Variants in DMD observed in about 807,000 individuals in gnomAD.
The protein encoded by DMD is mutant dystrophin.
Under a neutral mutation model 330.1 loss-of-function variants are expected in DMD, and 63 were observed. The ratio of observed to expected loss-of-function variants is 0.19; its 90% CI spans 0.16 to 0.24. DMD has a LOEUF of 0.24. DMD is among the 10% of genes least tolerant of loss of function. The pLI, the probability that DMD is intolerant of heterozygous loss-of-function variation, is 1.00. For missense variants in DMD, 3,344 were observed against 2,684.1 expected (o/e 1.25, Z -5.43); for synonymous variants, 1,223 against 959.8 (o/e 1.27, Z -5.07).
chrX:31,922,700 GTCT>G (rs1569513472), intron 47 of DMD, among the ~76,000 whole-genome samples: 1 of 111,514 alleles, frequency 9.0e-6, no homozygotes, highest in East Asian at 2.8e-4. Context: ...GGTCATAAAA[GTCT>G]TCTTCTGTGT....
intron 57 of DMD, among the ~76,000 whole-genome samples, chrX:31,494,155 C>CA (rs753929470): frequency 0.34 from 16,616 of 49,505 alleles, 2,001 homozygotes; most frequent in East Asian, 0.5. Context: ...GACCCAGTCT[C>CA]AAAAAAAAAA....
chrX:32,684,478 T>A (rs926346849), intron 9 of DMD, among the ~76,000 whole-genome samples: 21 of 111,593 alleles, frequency 1.9e-4, no homozygotes, highest in Middle Eastern at 4.8e-3. Context: ...TTTAACTATG[T>A]CTTACATCAT....
chrX:32,812,839 A>G (rs775791948), intron 6 of DMD, among the ~76,000 whole-genome samples: 1 of 111,691 alleles, frequency 9.0e-6, no homozygotes, highest in East Asian at 2.8e-4. Context: ...AAAAAATTTA[A>G]AAATTGTAGA....
intron 7 of DMD, among the ~76,000 whole-genome samples, chrX:32,786,086 A>AGTGTGTGTGT (rs368269067): frequency 0.018 from 1,694 of 96,540 alleles, 54 homozygotes; most frequent in African/African-American, 0.062. Context: ...GAGGAATAAG[A>AGTGTGTGTGT]GTGTGTGTGT....
rs901927677 is a variant in DMD at position 32,980,261 on chromosome X, G to A, written c.93+39878C>T. Among the ~76,000 whole-genome samples, 3 of 105,732 alleles carry A rather than the reference G, an allele frequency of 2.8e-5. No homozygotes were observed. In the East Asian group the frequency reaches 9.1e-4, roughly 32 times the overall value. 91.8% of individuals were successfully genotyped at this position (105,732 alleles called of 115,157 possible). A position where few individuals can be genotyped will look rare whatever the true frequency, so the allele number is the denominator to read the frequency against. On this transcript the variant is annotated intron_variant, in intron 2 of 78. Transcript: ENST00000357033. ...GGCGCCTGTAATCCCAGCTACTCGG[G>A]AGGCTGAGGCGCGAGGAATGCTTGA...
intron 62 of DMD, among the ~76,000 whole-genome samples, chrX:31,312,923 G>C (rs999089373): frequency 9.0e-6 from 1 of 110,633 alleles, no homozygotes; most frequent in Non-Finnish European, 1.9e-5. Context: ...TGGACACAGA[G>C]AGGGAAACAA....
chrX:32,807,946 T>TA (rs749843713), intron 7 of DMD, among the ~76,000 whole-genome samples: 146 of 112,117 alleles, frequency 1.3e-3, no homozygotes, highest in African/African-American at 4.3e-3. Context: ...TGTGATTCAA[T>TA]AAAAAACAAA....
chrX:31,204,735 G>C (rs1324979796), intron 66 of DMD, among the ~76,000 whole-genome samples: 1 of 111,940 alleles, frequency 8.9e-6, no homozygotes. Flanking sequence ...CCATTCTCCT[G>C]CCTCAGCCGC....
At chrX:31,293,848 G>A (rs186488154) in intron 62 of DMD, among the ~76,000 whole-genome samples, 1 of 111,242 alleles carries the variant, frequency 9.0e-6, no homozygotes, top group South Asian at 3.8e-4. Context: ...ATGGTTAAAC[G>A]AGCAAGCTAA....
intron 1 of DMD, among the ~76,000 whole-genome samples, chrX:33,317,086 G>A (rs927999043): frequency 5.5e-5 from 6 of 110,075 alleles, no homozygotes; most frequent in Non-Finnish European, 9.5e-5. Flanking sequence ...AGCAATAATG[G>A]GAAAAATTAA....
chrX:31,443,864 G>A (rs748728636), intron 60 of DMD, among the ~76,000 whole-genome samples: 77 of 111,581 alleles, frequency 6.9e-4, no homozygotes, highest in Non-Finnish European at 1.3e-3. Context: ...ATTATTTTCT[G>A]TTTATCGTAA....
intron 44 of DMD, among the ~76,000 whole-genome samples, chrX:32,188,483 A>G (rs761020191): frequency 9.7e-6 from 1 of 103,012 alleles, no homozygotes; most frequent in South Asian, 4.5e-4. Flanking sequence ...AGTTAAACTT[A>G]TAGGTACATG....
At chrX:32,155,060 G>GT (rs201936359) in intron 44 of DMD, among the ~76,000 whole-genome samples, 4,634 of 95,464 alleles carry the variant, frequency 0.049, 99 homozygotes, top group Middle Eastern at 0.061. Context: ...CCCTTGCTGT[G>GT]TTTTTTTTTT....
intron 2 of DMD, among the ~76,000 whole-genome samples, chrX:32,852,799 T>G (rs187009109): frequency 5.8e-4 from 64 of 110,867 alleles, no homozygotes; most frequent in Admixed American, 2.6e-3. Flanking sequence ...GGGGAAAAAT[T>G]CCTCTGCTTA....
rs777599934 is a variant in DMD at position 31,382,407 on chromosome X, AGTCATAAATGCCCTGCTCTTGTT to A, written c.9085-33796_9085-33774del. 1.1e-3 allele frequency among the ~76,000 whole-genome samples: 121 copies of A among 111,504 alleles called. 1 individual carries two copies. Among genetic ancestry groups the A allele is most frequent in the Admixed American group, 1.3e-3 (14 of 10,495 alleles). On this transcript the variant is annotated intron_variant, in intron 60 of 78. Transcript: ENST00000357033. ...ATACTCCTATTCACCAGTCTCAACTAGTCATAAATGCCCTGCTCTTGTTTACACTGCTGGTTTACACTGTTTCT... is the reference window on the plus strand; with the variant it reads ...ATACTCCTATTCACCAGTCTCAACTATACACTGCTGGTTTACACTGTTTCT...
chrX:32,690,087 A>G (rs115235245), intron 9 of DMD, among the ~76,000 whole-genome samples: 10,747 of 109,846 alleles, frequency 0.098, 1,299 homozygotes, highest in African/African-American at 0.33. Context: ...AAAAAAGTAA[A>G]GGTATATAAA....
At chrX:32,659,074 T>G (rs1280990694) in intron 9 of DMD, among the ~76,000 whole-genome samples, 2 of 112,152 alleles carry the variant, frequency 1.8e-5, no homozygotes, top group African/African-American at 3.2e-5. Flanking sequence ...TGTTTTTATT[T>G]AGTGCAACCC....
chrX:32,702,704 G>T (rs1280603609), intron 7 of DMD, among the ~76,000 whole-genome samples: 1 of 111,371 alleles, frequency 9.0e-6, no homozygotes, highest in East Asian at 2.8e-4. Flanking sequence ...CAGATATAAA[G>T]TGTTCAAGAT....
chrX:31,830,826 C>G (rs1462275893), intron 49 of DMD, among the ~76,000 whole-genome samples: 1 of 111,378 alleles, frequency 9.0e-6, no homozygotes, highest in Non-Finnish European at 1.9e-5. Flanking sequence ...AAGGCCACCC[C>G]ATGGCCGTGT....
Sources: gnomAD v4.1 joint callset for allele counts (sites outside exome capture counted in the v4.1 genomes callset) on GRCh38, gnomAD v4.1.1 for gene constraint, MANE v1.5 for transcripts, NCBI Gene and HGNC (gene_info 2026-07-23, HGNC 2026-07-21) for gene names.